The following KNDC1 variants were observed in gnomAD, a reference collection of about 807,000 sequenced individuals.
KNDC1 encodes the protein kinase non-catalytic C-lobe domain containing 1.
KNDC1 carries 106 observed loss-of-function variants against 172.8 expected under a neutral mutation model. That is an observed-to-expected ratio of 0.61 (90% CI 0.52 to 0.72). The LOEUF (loss-of-function observed/expected upper bound fraction) is 0.72, where lower values mean the gene tolerates loss of function less well. Ranked by LOEUF, KNDC1 falls within the 30% of genes least tolerant of loss-of-function variation. The pLI is 0.00. For synonymous variants in KNDC1, 1,083 were observed against 1,062.2 expected, an observed-to-expected ratio of 1.02 and a Z score of -0.38; for missense variants, 2,325 against 2,394.5, an observed-to-expected ratio of 0.97 and a Z score of 0.61.
intron 26 of KNDC1, among the ~76,000 whole-genome samples, chr10:133,217,138 A>G (rs1485729465): frequency 6.6e-6 from 1 of 152,290 alleles, no homozygotes; most frequent in African/African-American, 2.4e-5. Flanking sequence ...CCGTGCACTC[A>G]GAAAAGGCTA....
chr10:133,201,483 G>A lies in KNDC1; in HGVS notation c.2990-18G>A, dbSNP rs1259156510. ...ACAGGAGCCACTGTCCACGTAACCTGCGTCTCTTTCTTTCAAGGAAAAGAG... is the reference window on the plus strand; with the variant it reads ...ACAGGAGCCACTGTCCACGTAACCTACGTCTCTTTCTTTCAAGGAAAAGAG... On this transcript the variant is annotated intron_variant, in intron 16 of 29. Coordinates refer to ENST00000304613, the MANE Select transcript of KNDC1 (RefSeq NM_152643.8). 1 of 1,575,642 alleles carries A rather than the reference G, an allele frequency of 6.3e-7. No homozygotes were observed. The highest frequency in any genetic ancestry group is 2.2e-5 in the East Asian group (1 of 44,632).
intron 12 of KNDC1, 70 bp downstream of exon 12, chr10:133,197,838 G>T (rs928954484): frequency 1.5e-5 from 18 of 1,199,656 alleles, no homozygotes; most frequent in Non-Finnish European, 2.1e-5. Flanking sequence ...CCCCACCTCT[G>T]CATGGACAGA....
intron 9 of KNDC1, among the ~76,000 whole-genome samples, chr10:133,193,238 A>C (rs1309386149): frequency 4.6e-5 from 7 of 152,238 alleles, no homozygotes; most frequent in Admixed American, 4.6e-4. Context: ...GAAATTAAGG[A>C]AACAGGCTAG....
chr10:133,221,919 C>A lies in KNDC1; in HGVS notation c.5018+1807C>A, dbSNP rs867390638. ...CTCACGCCTGTAACCCTAGGTAGGC[C>A]GGGCTGGGTGCAGCCACTCACGCCT... On this transcript the variant is annotated intron_variant, in intron 29 of 29. Transcript: ENST00000304613. 5.2e-5 allele frequency among the ~76,000 whole-genome samples: 6 copies of A among 115,414 alleles called. 1 individual carries two copies. The highest frequency in any genetic ancestry group is 4.2e-4 in the East Asian group (1 of 2,382). The allele number at this position is 115,414 out of a possible 152,430, so 75.7% of individuals were successfully genotyped here.
At chr10:133,204,407 A>T (rs1182943036) in intron 17 of KNDC1, among the ~76,000 whole-genome samples, 1 of 152,236 alleles carries the variant, frequency 6.6e-6, no homozygotes, top group Non-Finnish European at 1.5e-5. Flanking sequence ...TGTGGGAGGC[A>T]GGGTCGCACT....
Position 133,199,203 on chromosome 10 carries a change from C to T in KNDC1, c.2695C>T (p.Leu899Phe), listed in dbSNP as rs761949881. Residue 899 changes from leucine to phenylalanine, a missense_variant, in exon 14 of 30, where the codon CTC becomes TTC. Transcript: ENST00000304613. Reference sequence around the variant, plus strand: ...CCCGTCGCTGCAGGAGGCCACGCGCCTCATCCAGGAGGAATTTGCCTTCGA... The same window carrying T: ...CCCGTCGCTGCAGGAGGCCACGCGCTTCATCCAGGAGGAATTTGCCTTCGA... ...ACPSLQEATR[L>F]IQEEFAFDGY... 18 of 1,582,066 alleles carry T rather than the reference C, an allele frequency of 1.1e-5. No individual in the cohort carries two copies. The highest frequency in any genetic ancestry group is 1.8e-5 in the Admixed American group (1 of 54,792).
chr10:133,212,914 C>T lies in KNDC1; in HGVS notation c.4435C>T (p.Leu1479=), dbSNP rs770958302. 23 of 1,611,382 alleles carry T rather than the reference C, an allele frequency of 1.4e-5. No homozygotes were observed. The highest frequency in any genetic ancestry group is 2.0e-5 in the Non-Finnish European group (23 of 1,178,130). ...CCAGCTCTTCAGCCAGCTCACGCTG[C>T]TACAGCAGGTGAGGAGGGCGAGGAT... The part of the protein sequence containing the change: ...THQLFSQLTL[L]QQELFQKCHP... Residue 1479 remains leucine (L), a synonymous_variant, in exon 24 of 30, where the codon CTA becomes TTA. Coordinates refer to ENST00000304613, the MANE Select transcript of KNDC1 (RefSeq NM_152643.8).
intron 3 of KNDC1, among the ~76,000 whole-genome samples, chr10:133,172,233 A>G (rs1365357746): frequency 2.0e-5 from 3 of 152,174 alleles, no homozygotes; most frequent in Non-Finnish European, 2.9e-5. Flanking sequence ...CTCATCCAGA[A>G]TGGCGCCCGC....
intron 17 of KNDC1, 104 bp from the exon 18 acceptor site, chr10:133,206,581 G>A: frequency 2.2e-6 from 2 of 918,782 alleles, no homozygotes; most frequent in South Asian, 1.4e-5. Context: ...CCCTGCAGCT[G>A]ATCTCCAAGG....
chr10:133,174,606 A>AGGTGGATGGATAGGTGGATAGGTG (rs1853472538), intron 3 of KNDC1, among the ~76,000 whole-genome samples: 1 of 152,008 alleles, frequency 6.6e-6, no homozygotes, highest in Non-Finnish European at 1.5e-5. Flanking sequence ...GTGGATGGCC[A>AGGTGGATGGATAGGTGGATAGGTG]GGTGGATGGA....
intron 1 of KNDC1, among the ~76,000 whole-genome samples, chr10:133,166,530 T>G (rs1036376626): frequency 1.3e-5 from 2 of 151,558 alleles, no homozygotes; most frequent in African/African-American, 2.4e-5. Flanking sequence ...GAGTGTGAGG[T>G]GTGTGTGTGT....
At chr10:133,168,204 T>A in intron 2 of KNDC1, 50 bp from the exon 3 acceptor site, 1 of 1,560,294 alleles carries the variant, frequency 6.4e-7, no homozygotes, top group African/African-American at 1.4e-5. Flanking sequence ...CGGGTTCAGG[T>A]TTGCAGGTGT....
chr10:133,206,917 G>A lies in KNDC1; in HGVS notation c.3543G>A (p.Arg1181=). 6.2e-7 allele frequency: 1 copy of A among 1,614,100 alleles called. No homozygotes were observed. The highest frequency in any genetic ancestry group is 1.1e-5 in the South Asian group (1 of 91,080). ...GGCAGCTAGAAGAAATGAAATCCAG[G>A]GTGCAATTCCTCAGCTTGGTCAAGA... ...LKGQLEEMKS[R]VQFLSLVKKY... is the part of the protein sequence containing the mutation. Residue 1181 remains arginine, a synonymous_variant, in exon 19 of 30, where the codon AGG becomes AGA. Coordinates refer to ENST00000304613, the MANE Select transcript of KNDC1 (RefSeq NM_152643.8).
At chr10:133,171,568 G>A (rs745742621) in intron 3 of KNDC1, among the ~76,000 whole-genome samples, 34 of 152,002 alleles carry the variant, frequency 2.2e-4, no homozygotes, top group South Asian at 8.3e-4. Flanking sequence ...CACTGGCCCC[G>A]GCCAATTGTA....
rs919394372 is a variant in KNDC1, at chr10:133,160,219, A to T, written c.-249A>T. Among the ~76,000 whole-genome samples the T allele has an allele frequency of 6.7e-6, 1 of 149,126 alleles. No homozygotes were observed. Among genetic ancestry groups the T allele is most frequent in the East Asian group, 2.0e-4 (1 of 5,050 alleles). On this transcript the variant is annotated 5_prime_UTR_variant, in exon 1 of 30. Transcript: ENST00000304613. ...TGGCTCCGCCCCCGGTGCCTCCCCC[A>T]GGAAGGAGCGACGTTCCCTAGGCGC... is the stretch of plus-strand genomic sequence containing the variant.
chr10:133,223,683 ATGTG>A (rs1258625986), intron 29 of KNDC1, among the ~76,000 whole-genome samples: 1 of 19,168 alleles, frequency 5.2e-5, no homozygotes, highest in Non-Finnish European at 9.6e-5. Context: ...TCTTCCCGGC[ATGTG>A]TGTGTGTGAG....
Position 133,200,408 on chromosome 10 carries a change from C to A in KNDC1, c.2937C>A (p.Gly979=). 6.3e-7 allele frequency: 1 copy of A among 1,597,770 alleles called. No individual in the cohort carries two copies. The highest frequency in any genetic ancestry group is 1.1e-5 in the South Asian group (1 of 89,140). The change falls in exon 16 of 30, where the codon GGC becomes GGA. Residue 979 remains glycine, a synonymous_variant. Transcript: ENST00000304613. The part of the protein sequence containing the change: ...TAEEAGSQLE[G]SQSPRSPSSK... ...AGGAGGCTGGGTCACAGCTCGAGGGCAGCCAAAGCCCCCGCTCCCCGTCCA... is the reference window on the plus strand; with the variant it reads ...AGGAGGCTGGGTCACAGCTCGAGGGAAGCCAAAGCCCCCGCTCCCCGTCCA...
At position 133,199,551 on chromosome 10, in the gene KNDC1, T is replaced by C. The variant is rs779946199; in HGVS notation, c.2852T>C (p.Leu951Ser). The C allele has an allele frequency of 1.2e-6, 2 of 1,613,868 alleles. No homozygotes were observed. The highest frequency in any genetic ancestry group is 1.7e-5 in the Admixed American group (1 of 60,012). ...KFCDLYWDEK[L>S]LQNLFKVVNG... is the part of the protein sequence containing the mutation. ...TGTGACCTGTACTGGGATGAGAAGTTGCTGCAGAACCTCTTTAAGGTGGTC... is the reference window on the plus strand; with the variant it reads ...TGTGACCTGTACTGGGATGAGAAGTCGCTGCAGAACCTCTTTAAGGTGGTC... Residue 951 changes from leucine (L) to serine (S), a missense_variant, in exon 15 of 30, where the codon TTG becomes TCG. By Grantham distance (145) the Leu-to-Ser change is moderately radical. Coordinates refer to ENST00000304613, the MANE Select transcript of KNDC1 (RefSeq NM_152643.8).
chr10:133,197,603 C>A lies in KNDC1; in HGVS notation c.1813-72C>A, dbSNP rs1337386426. ...CACGGCACCGGCGGGTGGTGGGGGACGCCCTGTGGGTGTTGCCGGCGCTGG... is the reference window on the plus strand; with the variant it reads ...CACGGCACCGGCGGGTGGTGGGGGAAGCCCTGTGGGTGTTGCCGGCGCTGG... On this transcript the variant is annotated intron_variant, in intron 11 of 29. Transcript: ENST00000304613. 6.1e-6 allele frequency: 7 copies of A among 1,152,774 alleles called. No individual in the cohort carries two copies. The South Asian group carries it at 7.4e-5, about 12-fold the overall frequency. 71.4% of individuals were successfully genotyped at this position (1,152,774 alleles called of 1,614,324 possible).
Sources: gnomAD v4.1 joint callset for allele counts (sites outside exome capture counted in the v4.1 genomes callset) on GRCh38, gnomAD v4.1.1 for gene constraint, MANE v1.5 for transcripts, NCBI Gene and HGNC (gene_info 2026-07-23, HGNC 2026-07-21) for gene names.